SLC52A1: variants seen among roughly 807,000 people sequenced by gnomAD.
SLC52A1 encodes solute carrier family 52 member 1, also known as solute carrier family 52, riboflavin transporter, member 1.
In SLC52A1, 20 loss-of-function variants were observed where a neutral mutation model predicts 23.2. The observed-to-expected ratio is 0.86, with a 90% confidence interval of 0.61 to 1.25. SLC52A1 has a LOEUF of 1.25. Among genes scored for constraint, SLC52A1 ranks in the 50% most tolerant of loss-of-function variants. The pLI, the probability that SLC52A1 is intolerant of heterozygous loss-of-function variation, is 0.00. For synonymous variants in SLC52A1, 260 were observed against 256.6 expected (o/e 1.01, Z -0.13); for missense variants, 528 against 557.0 (o/e 0.95, Z 0.52).
In SLC52A1 at chr17:5,032,825, C is replaced by T. The variant is rs1832968353; in HGVS notation, c.*132G>A. The T allele has an allele frequency of 1.4e-5, 11 of 813,744 alleles. No homozygotes were observed. Among genetic ancestry groups the T allele is most frequent in the Non-Finnish European group, 1.9e-5 (10 of 517,340 alleles). 50.4% of individuals were successfully genotyped at this position (813,744 alleles called of 1,614,324 possible). ...CCCTGGCCTCACATGCCAACGTCTT[C>T]TGTGGAGTGTGCAGGTGTCCATGAG... On this transcript the variant is annotated 3_prime_UTR_variant, in exon 5 of 5. Transcript: ENST00000254853.
upstream of SLC52A1, among the ~76,000 whole-genome samples, chr17:5,039,864 G>C (rs1975524150): frequency 6.6e-6 from 1 of 152,142 alleles, no homozygotes; most frequent in Non-Finnish European, 1.5e-5. Flanking sequence ...TGCTTCTCTT[G>C]GAATGACTTT....
Position 5,033,921 on chromosome 17 carries a change from G to A in SLC52A1, c.568C>T (p.Arg190Cys), listed in dbSNP as rs769521362. Residue 190 changes from arginine (R) to cysteine (C), a missense_variant, in exon 3 of 5, where the codon CGT (arginine) becomes TGT (cysteine). Arg to Cys is a radical substitution (Grantham distance 180). Transcript: ENST00000254853. The part of the protein sequence containing the change: ...TSGPPLDFPE[R>C]FPASTFFWAL... ...CAGAAGAAGGTGCTGGCAGGAAAAC[G>A]CTCAGGGAAGTCGAGGGGAGGCCCA... The A allele has an allele frequency of 6.4e-5, 104 of 1,614,076 alleles. No homozygotes were observed. The highest frequency in any genetic ancestry group is 1.6e-4 in the Middle Eastern group (1 of 6,084).
In SLC52A1 at chr17:5,034,186, G is replaced by C. The variant is rs371340617; in HGVS notation, c.303C>G (p.His101Gln). The change falls in exon 3 of 5, where the codon CAC (histidine) becomes CAG (glutamine). Residue 101 changes from histidine (H) to glutamine (Q), a missense_variant. His to Gln is a conservative substitution (Grantham distance 24, BLOSUM62 0). Coordinates refer to ENST00000254853, the MANE Select transcript of SLC52A1 (RefSeq NM_017986.4). ...GGAGCTGCCCTGCCACTGGGGCCACGTGGTGCCACAGAGGGGCCAGCAGGG... is the reference window on the plus strand; with the variant it reads ...GGAGCTGCCCTGCCACTGGGGCCACCTGGTGCCACAGAGGGGCCAGCAGGG... The part of the protein sequence containing the change: ...GTALLAPLWH[H>Q]VAPVAGQLHS... 7 of 1,614,176 alleles carry C rather than the reference G, an allele frequency of 4.3e-6. No individual in the cohort carries two copies. The highest frequency in any genetic ancestry group is 4.2e-6 in the Non-Finnish European group (5 of 1,180,012).
chr17:5,041,449 ATTT>A (rs546407742), intron 1 of SLC52A1, among the ~76,000 whole-genome samples: 2 of 149,576 alleles, frequency 1.3e-5, no homozygotes, highest in African/African-American at 4.9e-5. Context: ...TGCCCAGCGA[ATTT>A]TTTTTTGTTT....
chr17:5,036,511 A>T (rs1382222121), upstream of SLC52A1, among the ~76,000 whole-genome samples: 4 of 137,454 alleles, frequency 2.9e-5, no homozygotes, highest in African/African-American at 1.1e-4. Flanking sequence ...TTCCAGGTTC[A>T]CGCCATTCTC....
rs566207091 is a variant in SLC52A1, at chr17:5,034,321, C to A, written c.168G>T (p.Ala56=). 7 of 1,588,996 alleles carry A rather than the reference C, an allele frequency of 4.4e-6. No homozygotes were observed. The highest frequency in any genetic ancestry group is 6.0e-6 in the Non-Finnish European group (7 of 1,167,958). ...SLPSYLSVVV[A]LGNLGLLVVT... The stretch of plus-strand genomic sequence containing the variant: ...CCACCAGCAGACCCAGGTTTCCCAG[C>A]GCCACAACCACAGAGAGGTATGAGG... The change falls in exon 3 of 5, where the codon GCG becomes GCT. Residue 56 remains alanine (A), a synonymous_variant. Transcript: ENST00000254853.
chr17:5,042,069 C>A (rs1975550980), intron 1 of SLC52A1, among the ~76,000 whole-genome samples: 1 of 152,128 alleles, frequency 6.6e-6, no homozygotes, highest in African/African-American at 2.4e-5. Context: ...CCCCTAATTT[C>A]TTTACCCAGA....
intron 2 of SLC52A1, 57 bp downstream of exon 2, chr17:5,034,420 A>G: frequency 1.2e-6 from 2 of 1,608,726 alleles, no homozygotes; most frequent in Non-Finnish European, 1.7e-6. Flanking sequence ...GAGCTGCCAC[A>G]GGCCACCTTT....
In SLC52A1 at chr17:5,033,475, G is replaced by T. The variant is rs935985638; in HGVS notation, c.1010+4C>A. 1.4e-5 allele frequency: 22 copies of T among 1,610,320 alleles called. No homozygotes were observed. The highest frequency in any genetic ancestry group is 1.7e-5 in the Non-Finnish European group (20 of 1,177,812). On this transcript the variant is annotated splice_donor_region_variant and intron_variant, in intron 3 of 4. Transcript: ENST00000254853. ...ACCCACCAAGCCTGGGGACCCTTTT[G>T]CACCTGCACAGCACGCCCATGGCCA...
chr17:5,041,538 T>C (rs1030482208), intron 1 of SLC52A1, among the ~76,000 whole-genome samples: 1 of 152,212 alleles, frequency 6.6e-6, no homozygotes, highest in Admixed American at 6.6e-5. Context: ...GGTGCAATGG[T>C]GCGATCTTGG....
In SLC52A1 at chr17:5,034,871, C is replaced by T. The variant is rs1016292689; in HGVS notation, c.-118G>A. 10 of 377,862 alleles carry T rather than the reference C, an allele frequency of 2.6e-5. No homozygotes were observed. Among genetic ancestry groups the T allele is most frequent in the Admixed American group, 1.8e-4 (5 of 27,900 alleles). 23.4% of individuals were successfully genotyped at this position (377,862 alleles called of 1,614,324 possible). On this transcript the variant is annotated 5_prime_UTR_variant, in exon 1 of 5. Transcript: ENST00000254853. ...GGAGCCAGGACTTACCACGGGGCAC[C>T]GGCTGTGCGTTTGGGTACAGCGACC... is the stretch of plus-strand genomic sequence containing the variant.
rs1189785102 is a variant in SLC52A1, at chr17:5,034,740, G to A, written c.-107-27C>T. 1.4e-5 allele frequency: 16 copies of A among 1,170,086 alleles called. No individual in the cohort carries two copies. The South Asian group carries it at 1.9e-4, about 14-fold the overall frequency. 72.5% of individuals were successfully genotyped at this position (1,170,086 alleles called of 1,614,324 possible). ...TGGAGGGAAACAGACAGGCTGGCAG[G>A]TAATAGGCTGGTGGGACAGAACCGG... On this transcript the variant is annotated intron_variant, in intron 1 of 4. Coordinates refer to ENST00000254853, the MANE Select transcript of SLC52A1 (RefSeq NM_017986.4).
Position 5,032,674 on chromosome 17 carries a change from T to C in SLC52A1, c.*283A>G. 2.8e-6 allele frequency: 1 copy of C among 358,714 alleles called. No homozygotes were observed. The highest frequency in any genetic ancestry group is 5.1e-6 in the Non-Finnish European group (1 of 196,374). 22.2% of individuals were successfully genotyped at this position (358,714 alleles called of 1,614,324 possible). The stretch of plus-strand genomic sequence containing the variant: ...TTCTTATAAGGTTTTCATTAGGCTT[T>C]TGTTTTTGTTTTTGGTTTTAAATAA... On this transcript the variant is annotated 3_prime_UTR_variant, in exon 5 of 5. Transcript: ENST00000254853.
intron 1 of SLC52A1, among the ~76,000 whole-genome samples, chr17:5,041,230 G>T (rs1290343413): frequency 1.3e-5 from 2 of 152,020 alleles, no homozygotes; most frequent in Non-Finnish European, 2.9e-5. Context: ...GGGACCATAG[G>T]TGTGTGCCAG....
In SLC52A1 at chr17:5,033,347, T is replaced by C; in HGVS notation, c.1048A>G (p.Met350Val). The change falls in exon 4 of 5, where the codon ATG becomes GTG. Residue 350 changes from methionine (M) to valine (V), a missense_variant. Coordinates refer to ENST00000254853, the MANE Select transcript of SLC52A1 (RefSeq NM_017986.4). The part of the protein sequence containing the change: ...AGLVGLSLLG[M>V]LFGAYLMALA... ...GCCATCAGGTAGGCCCCAAAGAGCA[T>C]GCCCAGCAGAGAAAGACCAACCAGC... 4 of 1,603,508 alleles carry C rather than the reference T, an allele frequency of 2.5e-6. No individual in the cohort carries two copies. The highest frequency in any genetic ancestry group is 3.4e-6 in the Non-Finnish European group (4 of 1,173,782).
chr17:5,037,253 C>T (rs1380408614), upstream of SLC52A1, among the ~76,000 whole-genome samples: 2 of 152,204 alleles, frequency 1.3e-5, no homozygotes, highest in Non-Finnish European at 2.9e-5. Flanking sequence ...GGCGTGGTGG[C>T]TCACGCCTGT....
chr17:5,040,648 C>T (rs1219065345), intron 1 of SLC52A1, among the ~76,000 whole-genome samples: 2 of 152,170 alleles, frequency 1.3e-5, no homozygotes, highest in Non-Finnish European at 2.9e-5. Flanking sequence ...AGGTCTAACT[C>T]GCCAAGGTGC....
chr17:5,041,222 G>T (rs915847493), intron 1 of SLC52A1, among the ~76,000 whole-genome samples: 3 of 152,094 alleles, frequency 2.0e-5, no homozygotes, highest in Non-Finnish European at 4.4e-5. Flanking sequence ...AAGCAGCCGG[G>T]ACCATAGGTG....
intron 3 of SLC52A1, 24 bp downstream of exon 3, chr17:5,033,455 C>T (rs150676708): frequency 0.018 from 29,068 of 1,610,052 alleles, 310 homozygotes; most frequent in Non-Finnish European, 0.022. Flanking sequence ...GTTCCACCCA[C>T]CAAGCCTGGG....
Sources: gnomAD v4.1 joint callset for allele counts (sites outside exome capture counted in the v4.1 genomes callset) on GRCh38, gnomAD v4.1.1 for gene constraint, MANE v1.5 for transcripts, NCBI Gene and HGNC (gene_info 2026-07-23, HGNC 2026-07-21) for gene names.